The following ME3 variants were observed in gnomAD, a reference collection of about 807,000 sequenced individuals.
ME3 encodes the protein NADP-dependent malic enzyme, mitochondrial.
A neutral mutation model predicts 68.9 loss-of-function variants in ME3; 48 were observed. That is an observed-to-expected ratio of 0.70 (90% CI 0.55 to 0.89). The LOEUF is 0.89. ME3 is among the 40% of genes least tolerant of loss of function. The probability of loss-of-function intolerance (pLI) is 0.00; values close to 1 mark genes in which losing one functional copy is unlikely to be tolerated. For missense variants in ME3, 675 were observed against 797.4 expected, an observed-to-expected ratio of 0.85 and a Z score of 1.85; for synonymous variants, 320 against 318.8, an observed-to-expected ratio of 1.00 and a Z score of -0.04.
chr11:86,587,086 T>C (rs570376480), intron 2 of ME3, among the ~76,000 whole-genome samples: 1 of 152,066 alleles, frequency 6.6e-6, no homozygotes, highest in African/African-American at 2.4e-5. Flanking sequence ...AGGAGGTAGA[T>C]GGTAAGGTTT....
chr11:86,551,032 A>G lies in ME3; in HGVS notation c.467+5521T>C, dbSNP rs973708707. 4.6e-5 allele frequency among the ~76,000 whole-genome samples: 7 copies of G among 151,926 alleles called. 1 individual carries two copies. The highest frequency in any genetic ancestry group is 6.5e-5 in the Admixed American group (1 of 15,276). On this transcript the variant is annotated intron_variant, in intron 4 of 14. Transcript: ENST00000543262. ...GCTGGTGGAGGTGGTTGAAGACAAG[A>G]AGGTTCCAATGCAAGAAAATGAAGC...
chr11:86,556,774 A>T (rs1289733705), intron 3 of ME3, 72 bp from the exon 4 acceptor site: 1 of 1,526,020 alleles, frequency 6.6e-7, no homozygotes, highest in Non-Finnish European at 9.0e-7. Flanking sequence ...GGTGTGGTGC[A>T]AAGACCCAAG....
At chr11:86,492,456 C>T (rs77850331) in intron 6 of ME3, among the ~76,000 whole-genome samples, 7,376 of 152,284 alleles carry the variant, frequency 0.048, 204 homozygotes, top group South Asian at 0.097. Context: ...AACAACAAGG[C>T]AGAAATCATG....
At chr11:86,435,329 T>C in the ME3 span, 1 of 152,118 alleles carries the variant, frequency 6.6e-6, no homozygotes, top group Non-Finnish European at 1.5e-5. Context: ...TAGAAAAAGA[T>C]GGAAAAATTA....
intron 5 of ME3, among the ~76,000 whole-genome samples, chr11:86,500,015 C>G (rs1420519188): frequency 6.6e-6 from 1 of 152,214 alleles, no homozygotes; most frequent in Non-Finnish European, 1.5e-5. Flanking sequence ...TTCTACCACC[C>G]CAACTGGCTG....
intron 9 of ME3, 39 bp downstream of exon 9, chr11:86,450,262 C>T (rs1316830215): frequency 6.3e-7 from 1 of 1,591,314 alleles, no homozygotes; most frequent in Middle Eastern, 1.7e-4. Flanking sequence ...TTCTTATTCT[C>T]TTCCTGGAGC....
chr11:86,608,504 A>G (rs1942321525), intron 2 of ME3, among the ~76,000 whole-genome samples: 1 of 152,110 alleles, frequency 6.6e-6, no homozygotes, highest in Non-Finnish European at 1.5e-5. Flanking sequence ...TTCAGGTGTA[A>G]TTTAAATGCC....
intron 5 of ME3, among the ~76,000 whole-genome samples, chr11:86,508,588 A>T (rs574862886): frequency 6.6e-6 from 1 of 152,216 alleles, no homozygotes; most frequent in Non-Finnish European, 1.5e-5. Flanking sequence ...ATGAAGGGCA[A>T]TGTCACATGG....
chr11:86,523,143 G>A (rs1954450827), intron 4 of ME3, among the ~76,000 whole-genome samples: 1 of 152,134 alleles, frequency 6.6e-6, no homozygotes, highest in African/African-American at 2.4e-5. Flanking sequence ...ACTGAGGCAA[G>A]TCATGTCATT....
At chr11:86,633,723 C>T (rs1449005226) in intron 2 of ME3, among the ~76,000 whole-genome samples, 1 of 152,144 alleles carries the variant, frequency 6.6e-6, no homozygotes. Context: ...GCTAGAGGGG[C>T]CCGGAAGAGG....
chr11:86,627,406 G>A (rs1395962138), intron 2 of ME3, among the ~76,000 whole-genome samples: 1 of 152,144 alleles, frequency 6.6e-6, no homozygotes, highest in Non-Finnish European at 1.5e-5. Context: ...AACCAAATTT[G>A]CTTGCCCTTT....
chr11:86,668,371 A>C (rs139709126), intron 2 of ME3: 1 of 152,148 alleles, frequency 6.6e-6, no homozygotes, highest in African/African-American at 2.4e-5. Context: ...ACTTCAATGC[A>C]TTTGCTATTT....
intron 8 of ME3, among the ~76,000 whole-genome samples, chr11:86,456,347 T>C (rs1278457733): frequency 6.6e-6 from 1 of 152,176 alleles, no homozygotes; most frequent in African/African-American, 2.4e-5. Flanking sequence ...TGGGTCTTTT[T>C]CTTTTTGGGT....
At chr11:86,643,278 TA>T (rs1272397675) in intron 2 of ME3, among the ~76,000 whole-genome samples, 1 of 148,774 alleles carries the variant, frequency 6.7e-6, no homozygotes, top group Non-Finnish European at 1.5e-5. Flanking sequence ...AGCTAAGGTT[TA>T]ACTCTTCATG....
intron 2 of ME3, among the ~76,000 whole-genome samples, chr11:86,574,412 TG>T (rs1212137093): frequency 3.6e-3 from 231 of 63,786 alleles, no homozygotes; most frequent in Middle Eastern, 0.025. Context: ...GGGGGGGGGG[TG>T]TCTTTTTTGT....
rs202188967 is a variant in ME3, at chr11:86,556,748, G to A, written c.318-46C>T. 1.1e-5 allele frequency: 17 copies of A among 1,591,646 alleles called. No homozygotes were observed. In the East Asian group the frequency reaches 3.6e-4, roughly 33 times the overall value. ...GCAAGCTGACATGTGGTAGCAGCAG[G>A]CCCTGATGCCTCTGTGGTGTGGTGC... On this transcript the variant is annotated intron_variant, in intron 3 of 14. Transcript: ENST00000543262.
chr11:86,447,160 T>C (rs199947913), exon 12 of ME3: 30 of 1,614,178 alleles, frequency 1.9e-5, no homozygotes, highest in Non-Finnish European at 2.5e-5. Flanking sequence ...AAGGAGGCCA[T>C]GTCCCTCAGA....
intron 7 of ME3, among the ~76,000 whole-genome samples, chr11:86,483,595 A>G (rs1465689823): frequency 6.6e-6 from 1 of 152,176 alleles, no homozygotes; most frequent in Non-Finnish European, 1.5e-5. Context: ...ACTAAAAAAA[A>G]AATTTTCCTA....
At chr11:86,634,016 T>C (rs1246483856) in intron 2 of ME3, among the ~76,000 whole-genome samples, 1 of 152,180 alleles carries the variant, frequency 6.6e-6, no homozygotes, top group Non-Finnish European at 1.5e-5. Context: ...TTATTCTCCC[T>C]TAACCTTGAT....
Sources: gnomAD v4.1 joint callset for allele counts (sites outside exome capture counted in the v4.1 genomes callset) on GRCh38, gnomAD v4.1.1 for gene constraint, MANE v1.5 for transcripts, NCBI Gene and HGNC (gene_info 2026-07-23, HGNC 2026-07-21) for gene names.